The following ARFIP2 variants were observed in gnomAD, a reference collection of about 807,000 sequenced individuals.
ARFIP2 encodes the protein arfaptin-2.
In ARFIP2, 14 loss-of-function variants were observed where a neutral mutation model predicts 39.2. The observed-to-expected ratio is 0.36, with a 90% confidence interval of 0.24 to 0.56. The LOEUF is 0.56. Among genes scored for constraint, ARFIP2 ranks in the 20% least tolerant of loss-of-function variants. ARFIP2 has a pLI of 0.85. For missense variants in ARFIP2, 305 were observed against 422.5 expected, an observed-to-expected ratio of 0.72 and a Z score of 2.44; for synonymous variants, 167 against 172.4, an observed-to-expected ratio of 0.97 and a Z score of 0.24.
rs1851092245 is a variant in ARFIP2, at chr11:6,476,619, G to T, written c.*494C>A. ...TGGGTGAGGGTAGGCCTATTCAGAT[G>T]CAAGGCCAGCAATGGGGCTCCCCAT... On this transcript the variant is annotated 3_prime_UTR_variant, in exon 8 of 8. Coordinates refer to ENST00000396777, the MANE Select transcript of ARFIP2 (RefSeq NM_001376558.2). The T allele has an allele frequency of 6.3e-6, 1 of 158,666 alleles. No individual in the cohort carries two copies. The highest frequency in any genetic ancestry group is 2.4e-5 in the African/African-American group (1 of 41,530). 9.8% of individuals were successfully genotyped at this position (158,666 alleles called of 1,614,324 possible).
Position 6,477,934 on chromosome 11 carries a change from C to T in ARFIP2, c.696-42G>A, listed in dbSNP as rs373432045. The T allele has an allele frequency of 1.2e-6, 2 of 1,609,966 alleles. No homozygotes were observed. The highest frequency in any genetic ancestry group is 1.7e-6 in the Non-Finnish European group (2 of 1,177,214). ...AAAGGCTGGTCTCCACTCCTTTATC[C>T]TCAACACATACTCTCCTTTCCTTCC... On this transcript the variant is annotated intron_variant, in intron 6 of 7. Transcript: ENST00000396777. The surrounding 1 kb of genome is among the most constrained non-coding windows in gnomAD (Gnocchi z 4.8).
At chr11:6,481,138 T>C (rs565082244) in intron 1 of ARFIP2, 93 bp downstream of exon 1, 15 of 382,554 alleles carry the variant, frequency 3.9e-5, no homozygotes, top group African/African-American at 2.5e-4. Flanking sequence ...GGACATCAGG[T>C]GTGTCCTCAT....
In ARFIP2 at chr11:6,477,389, A is replaced by G; in HGVS notation, c.871-121T>C. 1 of 1,222,386 alleles carries G rather than the reference A, an allele frequency of 8.2e-7. No homozygotes were observed. The highest frequency in any genetic ancestry group is 1.1e-6 in the Non-Finnish European group (1 of 893,658). The allele number at this position is 1,222,386 out of a possible 1,614,324, so 75.7% of individuals were successfully genotyped here. On this transcript the variant is annotated intron_variant, in intron 7 of 7. Coordinates refer to ENST00000396777, the MANE Select transcript of ARFIP2 (RefSeq NM_001376558.2). This position sits in a 1 kb window ranked among gnomAD's most constrained non-coding sequence, Gnocchi z 4.8. ...TCTGCTCTGATGGTGCTTTTGGGGT[A>G]GGGGCTGAACTCTACCCAGGGAGTC...
In ARFIP2 at chr11:6,480,072, T is replaced by C. The variant is rs373739941; in HGVS notation, c.100-4A>G. The C allele has an allele frequency of 3.0e-5, 48 of 1,612,742 alleles. No homozygotes were observed. Among genetic ancestry groups the C allele is most frequent in the Non-Finnish European group, 3.7e-5 (44 of 1,179,418 alleles). On this transcript the variant is annotated splice_polypyrimidine_tract_variant and splice_region_variant and intron_variant, in intron 2 of 7. Transcript: ENST00000396777. ...ACACCATCACCTGCTGGAGGTCCTATAGGCCAGAGAAGAGGGGTTGCTTCA... is the reference window on the plus strand; with the variant it reads ...ACACCATCACCTGCTGGAGGTCCTACAGGCCAGAGAAGAGGGGTTGCTTCA...
chr11:6,481,297 T>C lies in ARFIP2; in HGVS notation c.-109A>G, dbSNP rs896339252. On this transcript the variant is annotated 5_prime_UTR_variant, in exon 1 of 8. Coordinates refer to ENST00000396777, the MANE Select transcript of ARFIP2 (RefSeq NM_001376558.2). ...GCCGCGCGGGGACCTCGGGCTCCAG[T>C]TCCCGTCGCGATCCTAGCAGCAGGT... is the stretch of plus-strand genomic sequence containing the variant. 1.4e-6 allele frequency: 1 copy of C among 695,520 alleles called. No individual in the cohort carries two copies. Among genetic ancestry groups the C allele is most frequent in the African/African-American group, 1.8e-5 (1 of 55,228 alleles). 43.1% of individuals were successfully genotyped at this position (695,520 alleles called of 1,614,324 possible). A position where few individuals can be genotyped will look rare whatever the true frequency, so the allele number is the denominator to read the frequency against.
In ARFIP2 at chr11:6,478,108, T is replaced by C. The variant is rs1266285991; in HGVS notation, c.628A>G (p.Ile210Val). ...ATGGTCTTGGTGACCAATGTGTTGA[T>C]GCTAGAGACAAAGAAGTTCACGGCT... is the stretch of plus-strand genomic sequence containing the variant. ...LGAVNFFVSSINTLVTKTMED... is the reference protein window; with the variant it reads ...LGAVNFFVSSVNTLVTKTMED... Residue 210 changes from isoleucine to valine, a missense_variant, in exon 6 of 8, where the codon ATC becomes GTC. Physicochemically the swap from Ile to Val is conservative, Grantham distance 29. Coordinates refer to ENST00000396777, the MANE Select transcript of ARFIP2 (RefSeq NM_001376558.2). The surrounding 1 kb of genome is among the most constrained non-coding windows in gnomAD (Gnocchi z 4.8). 1 of 1,614,152 alleles carries C rather than the reference T, an allele frequency of 6.2e-7. No homozygotes were observed. The highest frequency in any genetic ancestry group is 1.7e-5 in the Admixed American group (1 of 60,024).
At position 6,476,975 on chromosome 11, in the gene ARFIP2, C is replaced by G. The variant is rs747172786; in HGVS notation, c.*138G>C. On this transcript the variant is annotated 3_prime_UTR_variant, in exon 8 of 8. Coordinates refer to ENST00000396777, the MANE Select transcript of ARFIP2 (RefSeq NM_001376558.2). ...TCCCACCATAGCAATGTGGGCAAAA[C>G]TGGTGTCAGGCCCCAGCCAGAAAAA... The G allele has an allele frequency of 1.6e-4, 171 of 1,039,010 alleles. No individual in the cohort carries two copies. The highest frequency in any genetic ancestry group is 2.2e-4 in the Non-Finnish European group (166 of 737,990). 64.4% of individuals were successfully genotyped at this position (1,039,010 alleles called of 1,614,324 possible).
chr11:6,481,263 C>T lies in ARFIP2; in HGVS notation c.-75G>A, dbSNP rs1392325881. ...CGGGCCGCTCTTCCCCTCAGGGCGC[C>T]AGGCCCGGGCCGCGCGGGGACCTCG... On this transcript the variant is annotated 5_prime_UTR_variant, in exon 1 of 8. Transcript: ENST00000396777. 1.1e-5 allele frequency: 7 copies of T among 609,838 alleles called. No individual in the cohort carries two copies. Among genetic ancestry groups the T allele is most frequent in the Non-Finnish European group, 2.0e-5 (7 of 348,708 alleles). The allele number at this position is 609,838 out of a possible 1,614,324, so 37.8% of individuals were successfully genotyped here.
In ARFIP2 at chr11:6,478,000, C is replaced by T. The variant is rs370163708; in HGVS notation, c.695+41G>A. On this transcript the variant is annotated intron_variant, in intron 6 of 7. Transcript: ENST00000396777. The surrounding 1 kb of genome is among the most constrained non-coding windows in gnomAD (Gnocchi z 4.8). ...CTAATGCCCAAATTTCCACCCATAC[C>T]AGCCAACTCCCCAAACCCTAAGCCC... 20 of 1,607,656 alleles carry T rather than the reference C, an allele frequency of 1.2e-5. No individual in the cohort carries two copies. The highest frequency in any genetic ancestry group is 1.7e-5 in the Admixed American group (1 of 59,682).
In ARFIP2 at chr11:6,478,602, G is replaced by A. The variant is rs1433059364; in HGVS notation, c.537+136C>T. On this transcript the variant is annotated intron_variant, in intron 5 of 7. Coordinates refer to ENST00000396777, the MANE Select transcript of ARFIP2 (RefSeq NM_001376558.2). The surrounding 1 kb of genome is among the most constrained non-coding windows in gnomAD (Gnocchi z 4.8). ...ACCCTTAGGCTGCCTCCACAGGTGA[G>A]TGCTGCTGGGGGTAGGGCTGGGCCC... The A allele has an allele frequency of 4.1e-6, 6 of 1,473,116 alleles. No individual in the cohort carries two copies. In the African/African-American group the frequency reaches 4.2e-5, roughly 10 times the overall value. 91.3% of individuals were successfully genotyped at this position (1,473,116 alleles called of 1,614,324 possible).
chr11:6,479,445 A>C (rs1238271089), intron 3 of ARFIP2, 187 bp from the exon 4 acceptor site: 11 of 1,125,380 alleles, frequency 9.8e-6, no homozygotes, highest in Non-Finnish European at 1.4e-5. Flanking sequence ...CCTGATATAC[A>C]TATGGCCTCC....
chr11:6,478,900 C>T lies in ARFIP2; in HGVS notation c.375G>A (p.Glu125=). Residue 125 remains glutamate (E), a synonymous_variant, in exon 5 of 8, where the codon GAG becomes GAA. Coordinates refer to ENST00000396777, the MANE Select transcript of ARFIP2 (RefSeq NM_001376558.2). The surrounding 1 kb of genome is among the most constrained non-coding windows in gnomAD (Gnocchi z 4.8). ...FGRGSRTVDL[E]LELQIELLRE... is the part of the protein sequence containing the mutation. ...GCAGCAACTCAATCTGCAGCTCTAG[C>T]TCCAGGTCCACAGTCCGTGAGCCTC... 1 of 1,614,212 alleles carries T rather than the reference C, an allele frequency of 6.2e-7. No homozygotes were observed. Among genetic ancestry groups the T allele is most frequent in the Non-Finnish European group, 8.5e-7 (1 of 1,180,030 alleles).
Position 6,476,872 on chromosome 11 carries a change from G to T in ARFIP2, c.*241C>A. ...TGTCATAGCCGTTGGCTGTGAAGTG[G>T]AAGGAAAAGATCTGGGAATGAAGCC... On this transcript the variant is annotated 3_prime_UTR_variant, in exon 8 of 8. Transcript: ENST00000396777. 1 of 463,446 alleles carries T rather than the reference G, an allele frequency of 2.2e-6. No individual in the cohort carries two copies. The highest frequency in any genetic ancestry group is 3.8e-5 in the Admixed American group (1 of 26,552). The allele number at this position is 463,446 out of a possible 1,614,324, so 28.7% of individuals were successfully genotyped here. A position where few individuals can be genotyped will look rare whatever the true frequency, so the allele number is the denominator to read the frequency against.
intron 1 of ARFIP2, 78 bp from the exon 2 acceptor site, chr11:6,480,541 A>G (rs1332619837): frequency 2.8e-6 from 2 of 721,446 alleles, no homozygotes; most frequent in Non-Finnish European, 4.4e-6. Context: ...ATTTCTTTAA[A>G]GGCTGTCCCA....
At position 6,477,151 on chromosome 11, in the gene ARFIP2, G is replaced by A. The variant is rs1428811231; in HGVS notation, c.988C>T (p.Pro330Ser). The change falls in exon 8 of 8, where the codon CCA (proline) becomes TCA (serine). Residue 330 changes from proline to serine, a missense_variant. By Grantham distance (74) the Pro-to-Ser change is moderately conservative (BLOSUM62 -1). This residue lies in a region of ARFIP2 where 112 missense variants were observed against 118.2 expected (regional missense o/e 0.95). Transcript: ENST00000396777. This position sits in a 1 kb window ranked among gnomAD's most constrained non-coding sequence, Gnocchi z 4.8. ...LQQFNIKLRP[P>S]GAEKPSWLEE... is the part of the protein sequence containing the mutation. ...AGCCAGGAGGGTTTCTCAGCTCCTG[G>A]AGGCCGCAGCTTGATGTTGAACTGC... 5.6e-6 allele frequency: 9 copies of A among 1,611,628 alleles called. No individual in the cohort carries two copies. The East Asian group carries it at 2.0e-4, about 36-fold the overall frequency.
intron 2 of ARFIP2, 76 bp downstream of exon 2, chr11:6,480,247 G>A: frequency 1.4e-6 from 2 of 1,477,352 alleles, no homozygotes; most frequent in Middle Eastern, 1.7e-4. Context: ...AAGGCTACTG[G>A]AATGGAGGGT....
chr11:6,479,036 C>G lies in ARFIP2; in HGVS notation c.316-77G>C, dbSNP rs1047702717. The G allele has an allele frequency of 3.2e-6, 5 of 1,577,210 alleles. No homozygotes were observed. In the African/African-American group the frequency reaches 5.4e-5, roughly 17 times the overall value. On this transcript the variant is annotated intron_variant, in intron 4 of 7. Coordinates refer to ENST00000396777, the MANE Select transcript of ARFIP2 (RefSeq NM_001376558.2). ...AACAGGTATCTACCCCAGCACCCCC[C>G]AGGCTCCTACTCTCAGCCACAGATG...
chr11:6,479,353 C>A (rs541465939), intron 3 of ARFIP2, 95 bp from the exon 4 acceptor site: 16 of 1,606,928 alleles, frequency 1.0e-5, no homozygotes, highest in Non-Finnish European at 1.4e-5. Flanking sequence ...ATGAAATTGA[C>A]TTCCCTGAAG....
In ARFIP2 at chr11:6,478,115, G is replaced by A. The variant is rs768230803; in HGVS notation, c.621C>T (p.Val207=). ...ETLLGAVNFF[V]SSINTLVTKT... ...TGGTGACCAATGTGTTGATGCTAGA[G>A]ACAAAGAAGTTCACGGCTCCTAGCA... The change falls in exon 6 of 8, where the codon GTC becomes GTT. Residue 207 remains valine (V), a synonymous_variant. Transcript: ENST00000396777. The surrounding 1 kb of genome is among the most constrained non-coding windows in gnomAD (Gnocchi z 4.8). The A allele has an allele frequency of 1.9e-6, 3 of 1,614,098 alleles. No individual in the cohort carries two copies. Among genetic ancestry groups the A allele is most frequent in the South Asian group, 1.1e-5 (1 of 91,074 alleles).
Sources: gnomAD v4.1 joint callset for allele counts on GRCh38, gnomAD v4.1.1 for gene constraint, gnomAD v4.1.1 regional missense constraint, Gnocchi (gnomAD v3.1) non-coding constraint, MANE v1.5 for transcripts, NCBI Gene and HGNC (gene_info 2026-07-23, HGNC 2026-07-21) for gene names.